KCND3: variants seen among roughly 807,000 people sequenced by gnomAD.
KCND3 encodes the protein potassium voltage-gated channel subfamily D member 3.
A neutral mutation model predicts 51.1 loss-of-function variants in KCND3; 9 were observed. The observed-to-expected ratio is 0.18, with a 90% CI of 0.11 to 0.31. The LOEUF (loss-of-function observed/expected upper bound fraction) is 0.31. Among genes scored for constraint, KCND3 ranks in the 10% least tolerant of loss-of-function variants. The pLI, the probability that KCND3 is intolerant of heterozygous loss-of-function variation, is 1.00. For synonymous variants in KCND3, 349 were observed against 368.0 expected (o/e 0.95, Z 0.59); for missense variants, 526 against 903.8 (o/e 0.58, Z 5.36).
At chr1:111,776,910 C>A in intron 7 of KCND3, 116 bp downstream of exon 7, 1 of 1,547,298 alleles carries the variant, frequency 6.5e-7, no homozygotes, top group Non-Finnish European at 8.7e-7. Flanking sequence ...GGGGCTCATG[C>A]ATTAGATAAG....
At chr1:111,816,173 T>A (rs1347638293) in intron 2 of KCND3, among the ~76,000 whole-genome samples, 1 of 152,360 alleles carries the variant, frequency 6.6e-6, no homozygotes, top group Admixed American at 6.5e-5. Flanking sequence ...CGGCCGGGTG[T>A]GGCCAGGAGG....
chr1:111,863,662 G>C (rs1668431607), intron 2 of KCND3, among the ~76,000 whole-genome samples: 1 of 152,216 alleles, frequency 6.6e-6, no homozygotes, highest in African/African-American at 2.4e-5. Flanking sequence ...ACTTAGGGAG[G>C]CTCTGGTGGC....
intron 2 of KCND3, among the ~76,000 whole-genome samples, chr1:111,818,040 GCACACACACACACACA>G (rs59035556): frequency 6.8e-4 from 101 of 148,074 alleles, no homozygotes; most frequent in African/African-American, 2.2e-3. Context: ...ACACGCGCGT[GCACACACACACACACA>G]CACACACACA....
chr1:111,805,404 C>T lies in KCND3; in HGVS notation c.1107-18298G>A, dbSNP rs148534093. Among the ~76,000 whole-genome samples the T allele has an allele frequency of 4.4e-3, 675 of 152,304 alleles. 2 individuals are homozygous for T. The highest frequency in any genetic ancestry group is 0.016 in the African/African-American group (645 of 41,562). ...ACCTGGGCCAGCCTTGTCCCCTCAC[C>T]CTTGCCTCAGTCTGGCTGCACTTTC... On this transcript the variant is annotated intron_variant, in intron 2 of 7. Coordinates refer to ENST00000302127, the MANE Select transcript of KCND3 (RefSeq NM_001378969.1).
At chr1:111,873,456 G>C (rs538352931) in intron 2 of KCND3, among the ~76,000 whole-genome samples, 1 of 152,332 alleles carries the variant, frequency 6.6e-6, no homozygotes, top group East Asian at 1.9e-4. Flanking sequence ...CTGAAGGAGA[G>C]AGTCTTACAC....
At chr1:111,838,161 A>G (rs1207027612) in intron 2 of KCND3, among the ~76,000 whole-genome samples, 2 of 152,140 alleles carry the variant, frequency 1.3e-5, no homozygotes, top group African/African-American at 4.8e-5. Flanking sequence ...CACACTACGG[A>G]GTAGGGAGTG....
intron 2 of KCND3, among the ~76,000 whole-genome samples, chr1:111,961,583 T>C (rs1279063128): frequency 1.3e-5 from 2 of 152,176 alleles, no homozygotes; most frequent in Non-Finnish European, 2.9e-5. Flanking sequence ...TCCCATCTAC[T>C]GTCTGAATAC....
chr1:111,948,413 A>G (rs949192367), intron 2 of KCND3, among the ~76,000 whole-genome samples: 1 of 152,240 alleles, frequency 6.6e-6, no homozygotes, highest in African/African-American at 2.4e-5. Context: ...GGGAGGCGGC[A>G]GCCCTGGGAG....
intron 2 of KCND3, among the ~76,000 whole-genome samples, chr1:111,958,597 G>T (rs1303749372): frequency 1.3e-5 from 2 of 152,298 alleles, no homozygotes; most frequent in South Asian, 4.1e-4. Context: ...TCCACTCTTC[G>T]TGCTCCCCAT....
rs548922991 is a variant in KCND3 at position 111,955,057 on chromosome 1, A to T, written c.1106+26564T>A. Among the ~76,000 whole-genome samples the T allele has an allele frequency of 3.3e-5, 5 of 152,284 alleles. No homozygotes were observed. The East Asian group carries it at 9.6e-4, about 29-fold the overall frequency. ...CCCAACTCCAGGCCTTTCTTTGCAC[A>T]TACTCTTTCCTCTGCCTCTATTTCT... On this transcript the variant is annotated intron_variant, in intron 2 of 7. Transcript: ENST00000302127.
intron 2 of KCND3, among the ~76,000 whole-genome samples, chr1:111,884,810 T>C (rs1462885779): frequency 1.3e-5 from 2 of 152,252 alleles, no homozygotes; most frequent in Non-Finnish European, 2.9e-5. Flanking sequence ...AAATTCATCT[T>C]TTAACTTAAA....
intron 2 of KCND3, among the ~76,000 whole-genome samples, chr1:111,954,605 G>C (rs1269268126): frequency 6.6e-6 from 1 of 152,238 alleles, no homozygotes; most frequent in Non-Finnish European, 1.5e-5. Context: ...CCAACTGCCA[G>C]AGTGGGATTC....
In KCND3 at chr1:111,777,061, G is replaced by A. The variant is rs547507453; in HGVS notation, c.1731C>T (p.His577=). The A allele has an allele frequency of 1.5e-5, 24 of 1,613,888 alleles. 1 individual carries two copies. The South Asian group carries it at 2.6e-4, about 18-fold the overall frequency. The change falls in exon 7 of 8, where the codon CAC becomes CAT. Residue 577 remains histidine, a synonymous_variant. Transcript: ENST00000302127. ...LRSMQELSTI[H]IQGSEQPSLT... is the part of the protein sequence containing the mutation. Reference sequence around the variant, plus strand: ...GGGAGGGCTGCTCACTGCCCTGGATGTGGATCGTGCTGAGCTCTTGCATGC... The same window carrying A: ...GGGAGGGCTGCTCACTGCCCTGGATATGGATCGTGCTGAGCTCTTGCATGC...
chr1:111,839,030 G>C (rs1285929057), intron 2 of KCND3, among the ~76,000 whole-genome samples: 1 of 152,098 alleles, frequency 6.6e-6, no homozygotes, highest in East Asian at 1.9e-4. Flanking sequence ...CTGGCTCCTG[G>C]GTATCTATCT....
chr1:111,902,077 G>A (rs760826259), intron 2 of KCND3, among the ~76,000 whole-genome samples: 6 of 152,112 alleles, frequency 3.9e-5, no homozygotes, highest in East Asian at 1.9e-4. Flanking sequence ...AGCCCCCTCC[G>A]GCCTCACTCA....
chr1:111,976,314 C>T (rs1351831071), intron 2 of KCND3, among the ~76,000 whole-genome samples: 2 of 152,150 alleles, frequency 1.3e-5, no homozygotes, highest in Admixed American at 6.5e-5. Flanking sequence ...GCAAGAAAGC[C>T]CCAACCCTCC....
chr1:111,869,272 TCAGA>T (rs1668730012), intron 2 of KCND3, among the ~76,000 whole-genome samples: 1 of 152,212 alleles, frequency 6.6e-6, no homozygotes, highest in South Asian at 2.1e-4. Context: ...GTCAGAATTA[TCAGA>T]CAGAAACAGA....
chr1:111,849,462 C>A (rs1667710102), intron 2 of KCND3, among the ~76,000 whole-genome samples: 1 of 152,248 alleles, frequency 6.6e-6, no homozygotes, highest in Admixed American at 6.5e-5. Context: ...GGAATCCCAC[C>A]TCTGTGAAAG....
At chr1:111,840,009 A>G (rs915818386) in intron 2 of KCND3, among the ~76,000 whole-genome samples, 3 of 152,218 alleles carry the variant, frequency 2.0e-5, no homozygotes, top group African/African-American at 4.8e-5. Flanking sequence ...TGCAGCCTGG[A>G]AAGTCCAAGT....
Sources: gnomAD v4.1 joint callset for allele counts (sites outside exome capture counted in the v4.1 genomes callset) on GRCh38, gnomAD v4.1.1 for gene constraint, MANE v1.5 for transcripts, NCBI Gene and HGNC (gene_info 2026-07-23, HGNC 2026-07-21) for gene names.